TRIM37: variants seen among roughly 807,000 people sequenced by gnomAD.
TRIM37 encodes the protein tripartite motif containing 37.
A neutral mutation model predicts 129.8 loss-of-function variants in TRIM37; 80 were observed. The ratio of observed to expected loss-of-function variants is 0.62; its 90% confidence interval spans 0.51 to 0.74. TRIM37 has a LOEUF of 0.74. Ranked by LOEUF, TRIM37 falls within the 30% of genes least tolerant of loss-of-function variation. TRIM37 has a pLI of 0.00. For missense variants in TRIM37, 1,054 were observed against 1,176.5 expected (o/e 0.90, Z 1.52); for synonymous variants, 389 against 387.1 (o/e 1.00, Z -0.06).
At chr17:59,093,633 T>C (rs773342755) in intron 2 of TRIM37, among the ~76,000 whole-genome samples, 10 of 152,168 alleles carry the variant, frequency 6.6e-5, no homozygotes, top group Non-Finnish European at 1.0e-4. Context: ...ATAAAACTTA[T>C]AAAGACTGGG....
At chr17:59,002,018 TCAAA>T (rs1028698212) in intron 22 of TRIM37, among the ~76,000 whole-genome samples, 5 of 152,070 alleles carry the variant, frequency 3.3e-5, no homozygotes, top group African/African-American at 7.2e-5. Context: ...TTTTTCCAAA[TCAAA>T]CACTGTTTTT....
At chr17:59,088,251 A>C in intron 4 of TRIM37, 40 bp downstream of exon 4, 1 of 1,395,162 alleles carries the variant, frequency 7.2e-7, no homozygotes, top group South Asian at 1.2e-5. Flanking sequence ...ATACAAAGGC[A>C]AAATCCATTC....
At chr17:59,032,226 G>A (rs746780671) in intron 17 of TRIM37, 136 bp from the exon 18 acceptor site, 140 of 1,024,676 alleles carry the variant, frequency 1.4e-4, no homozygotes, top group Non-Finnish European at 2.0e-4. Context: ...ATGATAAGAA[G>A]CAGAAAGAAG....
the TRIM37 span, chr17:58,969,864 G>A: frequency 1.2e-6 from 1 of 821,838 alleles, no homozygotes; most frequent in Non-Finnish European, 1.9e-6. Flanking sequence ...CACAGTATTG[G>A]ATTCTGTTGT....
At chr17:59,081,451 T>C (rs1195754217) in intron 5 of TRIM37, among the ~76,000 whole-genome samples, 2 of 152,200 alleles carry the variant, frequency 1.3e-5, no homozygotes, top group Non-Finnish European at 2.9e-5. Flanking sequence ...TTCATTTAAC[T>C]AGAAATTAAC....
intron 11 of TRIM37, among the ~76,000 whole-genome samples, chr17:59,061,906 T>C (rs986998094): frequency 1.3e-5 from 2 of 152,076 alleles, no homozygotes; most frequent in Admixed American, 6.6e-5. Context: ...GAGGCAACTT[T>C]TGAGGTTCGA....
chr17:59,086,603 C>A (rs1224112875), intron 4 of TRIM37, among the ~76,000 whole-genome samples: 5 of 152,036 alleles, frequency 3.3e-5, no homozygotes, highest in Non-Finnish European at 7.4e-5. Context: ...AAAATACTTA[C>A]ATAAGTTTAT....
chr17:59,036,799 T>C (rs1457318213), intron 17 of TRIM37, among the ~76,000 whole-genome samples: 1 of 152,106 alleles, frequency 6.6e-6, no homozygotes, highest in African/African-American at 2.4e-5. Flanking sequence ...CATAACTCTT[T>C]AGACAATTGT....
chr17:59,032,113 G>GAT (rs758457925), intron 17 of TRIM37, 23 bp from the exon 18 acceptor site: 8 of 1,608,634 alleles, frequency 5.0e-6, no homozygotes, highest in African/African-American at 4.0e-5. Context: ...CGTAGAAAAT[G>GAT]ATATATATAT....
At chr17:59,022,036 A>G (rs1167165507) in intron 19 of TRIM37, among the ~76,000 whole-genome samples, 1 of 152,162 alleles carries the variant, frequency 6.6e-6, no homozygotes, top group African/African-American at 2.4e-5. Context: ...ATTAGACATA[A>G]AGTTTAATAC....
rs2040136792 is a variant in TRIM37 at position 59,049,398 on chromosome 17, T to C, written c.1315-5A>G. On this transcript the variant is annotated splice_polypyrimidine_tract_variant and splice_region_variant and intron_variant, in intron 14 of 23. Transcript: ENST00000262294. ...AGACAGCTCAATAGTAAGTCTCTTT[T>C]AAAACAAGAAAAGCACAAATATTAG... The C allele has an allele frequency of 6.2e-7, 1 of 1,613,208 alleles. No homozygotes were observed. Among genetic ancestry groups the C allele is most frequent in the Non-Finnish European group, 8.5e-7 (1 of 1,179,646 alleles).
At chr17:58,996,792 A>ATGTGTGTG (rs111408971), downstream of TRIM37, among the ~76,000 whole-genome samples, 5 of 79,328 alleles carry the variant, frequency 6.3e-5, no homozygotes, top group Non-Finnish European at 1.4e-4. Flanking sequence ...GTATATATAT[A>ATGTGTGTG]TGTGTGTGTG....
rs1235568025 is a variant in TRIM37, at chr17:59,028,438, A to G, written c.2234T>C (p.Val745Ala). ...LGMELLAKSS[V>A]ANCYIRNSTN... ...ACAGTTTCGTATGTAACAATTGGCA[A>G]CTGATGACTTTGCCAGGAGTTCCAT... Residue 745 changes from valine to alanine, a missense_variant, in exon 19 of 24, where the codon GTT becomes GCT. Physicochemically the swap from Val to Ala is moderately conservative, Grantham distance 64. Transcript: ENST00000262294. The G allele has an allele frequency of 6.2e-7, 1 of 1,613,502 alleles. No individual in the cohort carries two copies. The highest frequency in any genetic ancestry group is 1.7e-5 in the Admixed American group (1 of 60,032).
In TRIM37 at chr17:59,081,178, C is replaced by T. The variant is rs1171245059; in HGVS notation, c.411G>A (p.Glu137=). ...HTFKPLAEIY[E]QHVTKVNEEV... ...CTTCATTCACTTTAGTGACGTGTTG[C>T]TCATAAATTTCTGCCAAAGGTTTAA... Residue 137 remains glutamate, a synonymous_variant, in exon 6 of 24, where the codon GAG becomes GAA. Coordinates refer to ENST00000262294, the MANE Select transcript of TRIM37 (RefSeq NM_015294.6). 1 of 1,613,770 alleles carries T rather than the reference C, an allele frequency of 6.2e-7. No homozygotes were observed. Among genetic ancestry groups the T allele is most frequent in the African/African-American group, 1.3e-5 (1 of 74,896 alleles).
At chr17:59,021,305 G>A (rs923634066) in intron 19 of TRIM37, among the ~76,000 whole-genome samples, 1 of 152,132 alleles carries the variant, frequency 6.6e-6, no homozygotes, top group Non-Finnish European at 1.5e-5. Context: ...CGAGGCAGGA[G>A]AATGACTTGA....
rs373015858 is a variant in TRIM37 at position 59,028,400 on chromosome 17, G to C, written c.2257+15C>G. ...ATAACGTGTGGAGAAATGACACTGG[G>C]AACATATTACTTACAGTTTCGTATG... On this transcript the variant is annotated intron_variant, in intron 19 of 23. Transcript: ENST00000262294. The C allele has an allele frequency of 1.4e-5, 22 of 1,607,332 alleles. No individual in the cohort carries two copies. The African/African-American group carries it at 2.4e-4, about 18-fold the overall frequency.
chr17:59,082,790 T>C (rs1171334212), intron 5 of TRIM37, among the ~76,000 whole-genome samples: 1 of 152,234 alleles, frequency 6.6e-6, no homozygotes, highest in Non-Finnish European at 1.5e-5. Context: ...CCAAAAAAGA[T>C]GTAGATTTTT....
At chr17:59,011,522 C>G (rs1007265015) in intron 22 of TRIM37, among the ~76,000 whole-genome samples, 3 of 152,106 alleles carry the variant, frequency 2.0e-5, no homozygotes, top group Non-Finnish European at 4.4e-5. Context: ...TGGAGTTTCA[C>G]TAAGAAATGA....
At chr17:58,989,624 G>A (rs2032159678) in intron 24 of TRIM37, among the ~76,000 whole-genome samples, 1 of 151,920 alleles carries the variant, frequency 6.6e-6, no homozygotes, top group Non-Finnish European at 1.5e-5. Context: ...GCTCTAAACT[G>A]CTGAAAAGAA....
Sources: gnomAD v4.1 joint callset for allele counts (sites outside exome capture counted in the v4.1 genomes callset) on GRCh38, gnomAD v4.1.1 for gene constraint, MANE v1.5 for transcripts, NCBI Gene and HGNC (gene_info 2026-07-23, HGNC 2026-07-21) for gene names.